The following MECOM variants were observed in gnomAD, a reference collection of about 807,000 sequenced individuals.
MECOM encodes MDS1 and EVI1 complex locus.
Under a neutral mutation model 116.3 loss-of-function variants are expected in MECOM, and 13 were observed. The observed-to-expected ratio is 0.11, with a 90% CI of 0.07 to 0.18. The LOEUF is 0.18. MECOM is among the 10% of genes least tolerant of loss of function. The probability of loss-of-function intolerance (pLI) is 1.00; values close to 1 mark genes in which losing one functional copy is unlikely to be tolerated. For synonymous variants in MECOM, 528 were observed against 535.2 expected (o/e 0.99, Z 0.19); for missense variants, 1,299 against 1,509.0 (o/e 0.86, Z 2.31).
chr3:169,131,364 C>T lies in MECOM; in HGVS notation c.613+65G>A. ...TAACAAACACCAGGAACAATGGATG[C>T]TTTCGATGCTACTTTATAGTCGCGA... is the stretch of plus-strand genomic sequence containing the variant. On this transcript the variant is annotated intron_variant, in intron 4 of 16. Coordinates refer to ENST00000651503, the MANE Select transcript of MECOM (RefSeq NM_004991.4). The T allele has an allele frequency of 9.0e-6, 12 of 1,329,178 alleles. No individual in the cohort carries two copies. In the South Asian group the frequency reaches 1.3e-4, roughly 14 times the overall value. 82.3% of individuals were successfully genotyped at this position (1,329,178 alleles called of 1,614,324 possible).
intron 1 of MECOM, among the ~76,000 whole-genome samples, chr3:169,588,681 G>C (rs867093000): frequency 1.3e-5 from 2 of 151,934 alleles, no homozygotes; most frequent in South Asian, 4.2e-4. Flanking sequence ...TTCTTTTCCC[G>C]TGTTTTAATG....
intron 1 of MECOM, among the ~76,000 whole-genome samples, chr3:169,450,105 T>C (rs1745303588): frequency 2.0e-5 from 3 of 152,196 alleles, no homozygotes; most frequent in African/African-American, 4.8e-5. Flanking sequence ...CCCTCTAAAA[T>C]GGCATTACGG....
chr3:169,091,169 G>A (rs1719592344), intron 14 of MECOM, among the ~76,000 whole-genome samples: 1 of 151,724 alleles, frequency 6.6e-6, no homozygotes. Flanking sequence ...TGCATGAGTG[G>A]ATTAAAATTT....
At chr3:169,650,319 C>T (rs1774726888) in intron 1 of MECOM, among the ~76,000 whole-genome samples, 1 of 152,048 alleles carries the variant, frequency 6.6e-6, no homozygotes. Flanking sequence ...TTTGGTGGGT[C>T]TAGTAGCATC....
intron 2 of MECOM, among the ~76,000 whole-genome samples, chr3:169,289,979 T>A (rs1714180436): frequency 6.6e-6 from 1 of 151,766 alleles, no homozygotes; most frequent in Non-Finnish European, 1.5e-5. Context: ...CCAGGAGGAG[T>A]GTTAACTATT....
intron 2 of MECOM, among the ~76,000 whole-genome samples, chr3:169,189,975 CATCTT>C (rs144227154): frequency 0.014 from 2,104 of 152,128 alleles, 57 homozygotes; most frequent in African/African-American, 0.048. Flanking sequence ...TATCTGAACT[CATCTT>C]ATGTGAATGT....
intron 1 of MECOM, among the ~76,000 whole-genome samples, chr3:169,548,566 T>G (rs1761001652): frequency 6.6e-6 from 1 of 152,224 alleles, no homozygotes; most frequent in Non-Finnish European, 1.5e-5. Context: ...TCCTGCAACA[T>G]CTTCCTTGTT....
chr3:169,418,488 C>A (rs9815964), intron 1 of MECOM, among the ~76,000 whole-genome samples: 1 of 152,018 alleles, frequency 6.6e-6, no homozygotes, highest in Non-Finnish European at 1.5e-5. Context: ...AACATCAATG[C>A]GAATATCCTC....
intron 1 of MECOM, among the ~76,000 whole-genome samples, chr3:169,610,498 CGTGTGTGTGT>C (rs3045470): frequency 3.9e-5 from 5 of 128,606 alleles, no homozygotes; most frequent in South Asian, 2.5e-4. Flanking sequence ...TGTAATGTTA[CGTGTGTGTGT>C]GTGTGTGTGT....
At chr3:169,114,583 G>C (rs1363329077) in intron 8 of MECOM, among the ~76,000 whole-genome samples, 1 of 152,062 alleles carries the variant, frequency 6.6e-6, no homozygotes, top group African/African-American at 2.4e-5. Context: ...ATGAACTCTT[G>C]ACAATGTTCA....
At chr3:169,099,044 T>C (rs891199674) in intron 12 of MECOM, among the ~76,000 whole-genome samples, 1 of 151,972 alleles carries the variant, frequency 6.6e-6, no homozygotes, top group Non-Finnish European at 1.5e-5. Context: ...CAGTTATTAT[T>C]GTGGTGTCCT....
chr3:169,328,603 A>G (rs1470524970), intron 2 of MECOM, among the ~76,000 whole-genome samples: 1 of 152,348 alleles, frequency 6.6e-6, no homozygotes, highest in South Asian at 2.1e-4. Flanking sequence ...ATGAATGTAT[A>G]GTGTGCAGGA....
In MECOM at chr3:169,408,823, A is replaced by G. The variant is rs531393741; in HGVS notation, c.38-27299T>C. The stretch of plus-strand genomic sequence containing the variant: ...TTTATATTCATCTGTTAAAAACAGA[A>G]GAATAACACTTTTTAAAAGGAGATT... On this transcript the variant is annotated intron_variant, in intron 1 of 16. Transcript: ENST00000651503. 2.0e-4 allele frequency among the ~76,000 whole-genome samples: 31 copies of G among 152,266 alleles called. No homozygotes were observed. The South Asian group carries it at 6.2e-3, about 31-fold the overall frequency.
intron 1 of MECOM, among the ~76,000 whole-genome samples, chr3:169,393,950 C>T (rs188027755): frequency 3.3e-5 from 5 of 152,130 alleles, no homozygotes; most frequent in African/African-American, 4.8e-5. Flanking sequence ...TAAATCTATA[C>T]GAACCATGAC....
At chr3:169,178,112 C>T (rs762525999) in intron 2 of MECOM, among the ~76,000 whole-genome samples, 1 of 152,002 alleles carries the variant, frequency 6.6e-6, no homozygotes, top group Non-Finnish European at 1.5e-5. Context: ...CAGCATAGTG[C>T]CTGACACAGT....
intron 10 of MECOM, among the ~76,000 whole-genome samples, chr3:169,104,263 T>C (rs544558683): frequency 1.3e-5 from 2 of 152,376 alleles, no homozygotes; most frequent in South Asian, 4.1e-4. Flanking sequence ...AATATGGTCA[T>C]TATTCCCTTC....
chr3:169,654,521 A>C (rs1315868968), intron 1 of MECOM, among the ~76,000 whole-genome samples: 1 of 152,160 alleles, frequency 6.6e-6, no homozygotes, highest in Non-Finnish European at 1.5e-5. Context: ...GAATATCCAC[A>C]GTAGCCAAAT....
chr3:169,606,400 C>T (rs1446671461), intron 1 of MECOM, among the ~76,000 whole-genome samples: 5 of 141,394 alleles, frequency 3.5e-5, no homozygotes, highest in Admixed American at 2.9e-4. Flanking sequence ...CAGGGCAAGT[C>T]TTCGTCTCAA....
chr3:169,413,559 G>C (rs907686316), intron 1 of MECOM, among the ~76,000 whole-genome samples: 1 of 151,784 alleles, frequency 6.6e-6, no homozygotes, highest in Non-Finnish European at 1.5e-5. Context: ...CCCTGCAAAG[G>C]GGGCTGAAGC....
Sources: gnomAD v4.1 joint callset for allele counts (sites outside exome capture counted in the v4.1 genomes callset) on GRCh38, gnomAD v4.1.1 for gene constraint, MANE v1.5 for transcripts, NCBI Gene and HGNC (gene_info 2026-07-23, HGNC 2026-07-21) for gene names.